Variants in PCBP3 observed in about 807,000 individuals in gnomAD.
PCBP3 encodes the protein poly(rC) binding protein 3, also known as poly(rC)-binding protein 3.
In PCBP3, 25 loss-of-function variants were observed where a neutral mutation model predicts 52.7. That is an observed-to-expected ratio of 0.47 (90% CI 0.35 to 0.66). The LOEUF (loss-of-function observed/expected upper bound fraction) is 0.66, where lower values mean the gene tolerates loss of function less well. Ranked by LOEUF, PCBP3 falls within the 30% of genes least tolerant of loss-of-function variation. The pLI is 0.01. For missense variants in PCBP3, 391 were observed against 490.3 expected (o/e 0.80, Z 1.91); for synonymous variants, 162 against 183.0 (o/e 0.89, Z 0.93).
At chr21:45,934,773 G>A (rs1380257819) in intron 15 of PCBP3, among the ~76,000 whole-genome samples, 1 of 152,170 alleles carries the variant, frequency 6.6e-6, no homozygotes, top group African/African-American at 2.4e-5. Flanking sequence ...GGCACTGTCG[G>A]GTAGAGCCGT....
chr21:45,645,379 G>A (rs2079187609), intron 1 of PCBP3, among the ~76,000 whole-genome samples: 1 of 152,104 alleles, frequency 6.6e-6, no homozygotes, highest in Non-Finnish European at 1.5e-5. Flanking sequence ...TGATAAATGG[G>A]GTCTTTATAA....
At chr21:45,907,501 G>A (rs556568486) in intron 9 of PCBP3, among the ~76,000 whole-genome samples, 1 of 152,340 alleles carries the variant, frequency 6.6e-6, no homozygotes, top group South Asian at 2.1e-4. Context: ...CTGTCTTTGT[G>A]CTTGTTCTAA....
At chr21:45,932,125 AG>A (rs1379974431) in intron 15 of PCBP3, among the ~76,000 whole-genome samples, 1 of 151,660 alleles carries the variant, frequency 6.6e-6, no homozygotes, top group Non-Finnish European at 1.5e-5. Flanking sequence ...TGCTGTCCTG[AG>A]GTGGATGAAC....
intron 5 of PCBP3, among the ~76,000 whole-genome samples, chr21:45,883,613 C>T (rs1477782665): frequency 3.3e-5 from 5 of 152,162 alleles, no homozygotes; most frequent in Non-Finnish European, 7.4e-5. Context: ...TATTTAGACT[C>T]TTTTATCATT....
chr21:45,733,033 T>A (rs2085574987), intron 2 of PCBP3, among the ~76,000 whole-genome samples: 1 of 152,208 alleles, frequency 6.6e-6, no homozygotes, highest in African/African-American at 2.4e-5. Flanking sequence ...GTAGAGAATC[T>A]TTATCTGTGT....
intron 4 of PCBP3, among the ~76,000 whole-genome samples, chr21:45,770,621 A>T (rs1024407299): frequency 6.6e-6 from 1 of 152,100 alleles, no homozygotes; most frequent in Non-Finnish European, 1.5e-5. Flanking sequence ...TTCTGCTGTG[A>T]GCCCTCATTT....
At position 45,928,577 on chromosome 21, in the gene PCBP3, T is replaced by A. The variant is rs1392130638; in HGVS notation, c.718-1340T>A. Among the ~76,000 whole-genome samples the A allele has an allele frequency of 6.6e-6, 1 of 152,098 alleles. No homozygotes were observed. ...GCATTCCTGACTGTGCTCCCTGGTG[T>A]CAGGGAACCCAGGTGCCAGGGGTGG... On this transcript the variant is annotated intron_variant, in intron 13 of 17. Transcript: ENST00000681687. This position sits in a 1 kb window ranked among gnomAD's most constrained non-coding sequence, Gnocchi z 4.1.
chr21:45,859,539 C>T (rs2094435330), intron 5 of PCBP3, among the ~76,000 whole-genome samples: 1 of 152,260 alleles, frequency 6.6e-6, no homozygotes, highest in South Asian at 2.1e-4. Context: ...CTTCCACTGG[C>T]TGCCAGCCTC....
intron 5 of PCBP3, among the ~76,000 whole-genome samples, chr21:45,883,912 T>C (rs2095459229): frequency 6.6e-6 from 1 of 152,226 alleles, no homozygotes; most frequent in Non-Finnish European, 1.5e-5. Flanking sequence ...AGGGCTTAAA[T>C]CTGCCATTTC....
At chr21:45,706,073 A>T (rs2083432366) in intron 2 of PCBP3, among the ~76,000 whole-genome samples, 1 of 152,216 alleles carries the variant, frequency 6.6e-6, no homozygotes, top group Non-Finnish European at 1.5e-5. Context: ...TTACATTAGC[A>T]ATGTTGTGTT....
chr21:45,732,471 C>T (rs1157405189), intron 2 of PCBP3, among the ~76,000 whole-genome samples: 2 of 148,592 alleles, frequency 1.3e-5, no homozygotes, highest in African/African-American at 4.9e-5. Context: ...CTGCTCTTGC[C>T]ATAATGTTTC....
intron 2 of PCBP3, among the ~76,000 whole-genome samples, chr21:45,699,652 A>C (rs1380400560): frequency 1.3e-5 from 2 of 152,218 alleles, no homozygotes; most frequent in South Asian, 4.1e-4. Flanking sequence ...ATGGCTGGGG[A>C]GGCCCTCACA....
rs903469794 is a variant in PCBP3, at chr21:45,904,043, C to T, written c.339+2930C>T. 1.3e-5 allele frequency among the ~76,000 whole-genome samples: 2 copies of T among 152,206 alleles called. No individual in the cohort carries two copies. The highest frequency in any genetic ancestry group is 2.9e-5 in the Non-Finnish European group (2 of 68,028). On this transcript the variant is annotated intron_variant, in intron 9 of 17. Transcript: ENST00000681687. This position sits in a 1 kb window ranked among gnomAD's most constrained non-coding sequence, Gnocchi z 4.8. ...GAGAAACAGATTTTCTCTGACGTCC[C>T]TTCCAGTAGACAAAATCTCCTGGTT...
chr21:45,716,807 CT>C (rs1197434271), intron 2 of PCBP3, among the ~76,000 whole-genome samples: 1 of 152,050 alleles, frequency 6.6e-6, no homozygotes, highest in African/African-American at 2.4e-5. Context: ...AGTCTTCTGA[CT>C]TTGTTTTTCT....
intron 4 of PCBP3, among the ~76,000 whole-genome samples, chr21:45,818,829 A>T (rs1277705919): frequency 6.6e-6 from 1 of 152,250 alleles, no homozygotes; most frequent in East Asian, 1.9e-4. Flanking sequence ...ATTCAGCACT[A>T]CAAAGAAATG....
chr21:45,850,158 G>C, intron 5 of PCBP3, 63 bp downstream of exon 5: 1 of 1,338,620 alleles, frequency 7.5e-7, no homozygotes, highest in Non-Finnish European at 1.0e-6. Flanking sequence ...AACAAAGTCA[G>C]ACTTACCCTT....
At chr21:45,652,172 G>A (rs777105926) in intron 1 of PCBP3, among the ~76,000 whole-genome samples, 3 of 152,172 alleles carry the variant, frequency 2.0e-5, no homozygotes, top group Admixed American at 1.3e-4. Flanking sequence ...CAGAATGGCT[G>A]TTCTGAGCCA....
chr21:45,691,997 A>G (rs1284732638), intron 2 of PCBP3, among the ~76,000 whole-genome samples: 1 of 152,156 alleles, frequency 6.6e-6, no homozygotes, highest in African/African-American at 2.4e-5. Flanking sequence ...ACCCTGAAGG[A>G]AACAGGCCTG....
chr21:45,704,669 G>A lies in PCBP3; in HGVS notation c.-199-30723G>A, dbSNP rs1007953444. Among the ~76,000 whole-genome samples the A allele has an allele frequency of 4.6e-5, 7 of 152,208 alleles. No homozygotes were observed. Among genetic ancestry groups the A allele is most frequent in the African/African-American group, 1.7e-4 (7 of 41,436 alleles). On this transcript the variant is annotated intron_variant, in intron 2 of 17. Transcript: ENST00000681687. The surrounding 1 kb of genome is among the most constrained non-coding windows in gnomAD (Gnocchi z 4.1). ...ACAGGAAATTCATAAAGGGAATATG[G>A]AGTTCCGTTTACAACAGCAAGAGAT...
Sources: allele counts gnomAD v4.1 joint callset (sites outside exome capture counted in the v4.1 genomes callset), GRCh38; gene constraint gnomAD v4.1.1; non-coding constraint Gnocchi (gnomAD v3.1); transcripts MANE v1.5; gene names NCBI Gene and HGNC (gene_info 2026-07-23, HGNC 2026-07-21).